AGFG2: variants seen among roughly 807,000 people sequenced by gnomAD.
AGFG2 encodes the protein arf-GAP domain and FG repeat-containing protein 2.
In AGFG2, 31 loss-of-function variants were observed where a neutral mutation model predicts 48.0. The observed-to-expected ratio is 0.65, with a 90% CI of 0.49 to 0.87. AGFG2 has a LOEUF of 0.87. Ranked by LOEUF, AGFG2 falls within the 40% of genes least tolerant of loss-of-function variation. The probability of loss-of-function intolerance (pLI) is 0.00; values close to 1 mark genes in which losing one functional copy is unlikely to be tolerated. For synonymous variants in AGFG2, 229 were observed against 260.8 expected (o/e 0.88, Z 1.18); for missense variants, 599 against 632.6 (o/e 0.95, Z 0.57).
chr7:100,553,973 G>A lies in AGFG2; in HGVS notation c.586-120G>A, dbSNP rs1167168547. The A allele has an allele frequency of 5.8e-6, 7 of 1,205,604 alleles. No homozygotes were observed. The African/African-American group carries it at 9.2e-5, about 16-fold the overall frequency. 74.7% of individuals were successfully genotyped at this position (1,205,604 alleles called of 1,614,324 possible). ...CCTGCCCAGGAATCTTCTAGGTTGA[G>A]GGCAGTTACTCACTGTCTTCTCTCT... On this transcript the variant is annotated intron_variant, in intron 4 of 11. Transcript: ENST00000300176.
At chr7:100,554,032 A>T (rs1377558184) in intron 4 of AGFG2, 61 bp from the exon 5 acceptor site, 5 of 1,550,886 alleles carry the variant, frequency 3.2e-6, no homozygotes, top group Non-Finnish European at 3.5e-6. Context: ...CTGGGGAGCC[A>T]GAGGAGGGCC....
In AGFG2 at chr7:100,566,739, G is replaced by C. The variant is rs1218832155; in HGVS notation, c.*1748G>C. 6.6e-6 allele frequency: 1 copy of C among 152,290 alleles called. No homozygotes were observed. Among genetic ancestry groups the C allele is most frequent in the Non-Finnish European group, 1.5e-5 (1 of 68,180 alleles). 9.4% of individuals were successfully genotyped at this position (152,290 alleles called of 1,614,324 possible). A position where few individuals can be genotyped will look rare whatever the true frequency, so the allele number is the denominator to read the frequency against. On this transcript the variant is annotated 3_prime_UTR_variant, in exon 12 of 12. Transcript: ENST00000300176. ...GCCTCTGCCCTCCTTCTGTCTCCTG[G>C]GTGGTCTCCCGCTTCGCTCCTGGCC...
In AGFG2 at chr7:100,539,436, C is replaced by T. The variant is rs779851093; in HGVS notation, c.90C>T (p.Cys30=). Residue 30 remains cysteine (C), a synonymous_variant, in exon 1 of 12, where the codon TGC becomes TGT. Coordinates refer to ENST00000300176, the MANE Select transcript of AGFG2 (RefSeq NM_006076.5). ...AEAEAASEVW[C]RRVRELGGCS... The stretch of plus-strand genomic sequence containing the variant: ...CGGAGGCGGCCTCGGAGGTGTGGTG[C>T]CGTCGGGTGCGGGAGCTGGGTGGCT... 4 of 1,325,058 alleles carry T rather than the reference C, an allele frequency of 3.0e-6. No individual in the cohort carries two copies. Among genetic ancestry groups the T allele is most frequent in the East Asian group, 6.2e-5 (2 of 32,394 alleles). 82.1% of individuals were successfully genotyped at this position (1,325,058 alleles called of 1,614,324 possible).
chr7:100,562,708 G>A lies in AGFG2; in HGVS notation c.1087+26G>A, dbSNP rs764528354. 6.2e-7 allele frequency: 1 copy of A among 1,600,252 alleles called. No individual in the cohort carries two copies. The highest frequency in any genetic ancestry group is 8.5e-7 in the Non-Finnish European group (1 of 1,175,484). ...GTGAGTCCTGCCTGTGGAGACCCAG[G>A]GGAGGGGACCTGAGGCCAGGAGGAG... On this transcript the variant is annotated intron_variant, in intron 8 of 11. Coordinates refer to ENST00000300176, the MANE Select transcript of AGFG2 (RefSeq NM_006076.5). The surrounding 1 kb of genome is among the most constrained non-coding windows in gnomAD (Gnocchi z 5.4).
In AGFG2 at chr7:100,565,230, A is replaced by T. The variant is rs1257258732; in HGVS notation, c.*239A>T. 2 of 588,270 alleles carry T rather than the reference A, an allele frequency of 3.4e-6. No homozygotes were observed. Among genetic ancestry groups the T allele is most frequent in the Non-Finnish European group, 6.1e-6 (2 of 330,152 alleles). The allele number at this position is 588,270 out of a possible 1,614,324, so 36.4% of individuals were successfully genotyped here. A position where few individuals can be genotyped will look rare whatever the true frequency, so the allele number is the denominator to read the frequency against. On this transcript the variant is annotated 3_prime_UTR_variant, in exon 12 of 12. Transcript: ENST00000300176. ...CCAGGAGGAGTGCGGGCAGGGCCTG[A>T]CCTGGAGGAGTGATGGTTGAGGGGG...
intron 5 of AGFG2, among the ~76,000 whole-genome samples, chr7:100,554,512 T>C (rs1021337201): frequency 1.3e-5 from 2 of 152,210 alleles, no homozygotes; most frequent in Non-Finnish European, 2.9e-5. Flanking sequence ...GCCTTTTTTA[T>C]TATTTTCTGT....
chr7:100,546,162 C>T (rs562109006), intron 1 of AGFG2, among the ~76,000 whole-genome samples: 8 of 148,766 alleles, frequency 5.4e-5, no homozygotes, highest in Admixed American at 1.4e-4. Flanking sequence ...CGTCTGCCGC[C>T]CCCCCCGCCC....
At chr7:100,543,780 T>C (rs1800465493) in intron 1 of AGFG2, among the ~76,000 whole-genome samples, 1 of 152,208 alleles carries the variant, frequency 6.6e-6, no homozygotes, top group African/African-American at 2.4e-5. Context: ...TGTGAGGGGT[T>C]GAGAGAAAGG....
Position 100,562,752 on chromosome 7 carries a change from G to A in AGFG2, c.1087+70G>A. On this transcript the variant is annotated intron_variant, in intron 8 of 11. Transcript: ENST00000300176. This position sits in a 1 kb window ranked among gnomAD's most constrained non-coding sequence, Gnocchi z 5.4. ...GGAGGAGTCTAAGGACTCTGGACAG[G>A]GTGGGAAGGGGAGAGATTGAGAGGA... is the stretch of plus-strand genomic sequence containing the variant. 6.3e-7 allele frequency: 1 copy of A among 1,591,044 alleles called. No homozygotes were observed. Among genetic ancestry groups the A allele is most frequent in the African/African-American group, 1.3e-5 (1 of 74,750 alleles).
chr7:100,560,005 G>T (rs1800832165), intron 6 of AGFG2, among the ~76,000 whole-genome samples: 2 of 152,122 alleles, frequency 1.3e-5, no homozygotes, highest in Non-Finnish European at 2.9e-5. Flanking sequence ...CTCCCAGCCT[G>T]GTCCTCACTG....
intron 6 of AGFG2, among the ~76,000 whole-genome samples, chr7:100,560,183 CTT>C (rs113365559): frequency 4.2e-5 from 6 of 141,198 alleles, no homozygotes; most frequent in Admixed American, 7.1e-5. Context: ...ATGCTGCTGG[CTT>C]TTTTTTTTTT....
chr7:100,563,035 C>G, intron 9 of AGFG2, 89 bp downstream of exon 9: 1 of 1,310,964 alleles, frequency 7.6e-7, no homozygotes, highest in Middle Eastern at 1.8e-4. Context: ...CCCTTTGTCT[C>G]ACGCTGTCAG....
In AGFG2 at chr7:100,539,497, G is replaced by T. The variant is rs1254472812; in HGVS notation, c.151G>T (p.Ala51Ser). The change falls in exon 1 of 12, where the codon GCC (alanine) becomes TCC (serine). Residue 51 changes from alanine to serine, a missense_variant. Coordinates refer to ENST00000300176, the MANE Select transcript of AGFG2 (RefSeq NM_006076.5). ...CGGGAACCGCCACTGCTTCGAGTGC[G>T]CCCAGCGCGGGGTCACCTACGTGGA... ...QAGNRHCFEC[A>S]QRGVTYVDIT... is the part of the protein sequence containing the mutation. 2.3e-6 allele frequency: 3 copies of T among 1,315,114 alleles called. No individual in the cohort carries two copies. Among genetic ancestry groups the T allele is most frequent in the South Asian group, 2.2e-5 (1 of 44,766 alleles). The allele number at this position is 1,315,114 out of a possible 1,614,324, so 81.5% of individuals were successfully genotyped here. A position where few individuals can be genotyped will look rare whatever the true frequency, so the allele number is the denominator to read the frequency against.
At chr7:100,556,744 C>T in intron 6 of AGFG2, 1 of 803,892 alleles carries the variant, frequency 1.2e-6, no homozygotes, top group Non-Finnish European at 1.8e-6. Context: ...AAGCAATTTC[C>T]CTAGTCATGC....
At chr7:100,556,622 C>G (rs1225401589) in intron 6 of AGFG2, 1 of 1,289,300 alleles carries the variant, frequency 7.8e-7, no homozygotes, top group African/African-American at 1.5e-5. Context: ...AAAGTTACAG[C>G]TTTGGTAAGT....
chr7:100,559,389 G>A (rs890246614), intron 6 of AGFG2, among the ~76,000 whole-genome samples: 2 of 152,100 alleles, frequency 1.3e-5, no homozygotes, highest in South Asian at 2.1e-4. Flanking sequence ...ATTTTGAGAG[G>A]TGGGTGTCTC....
At chr7:100,558,350 A>T (rs1251416066) in intron 6 of AGFG2, among the ~76,000 whole-genome samples, 1 of 152,146 alleles carries the variant, frequency 6.6e-6, no homozygotes, top group Admixed American at 6.5e-5. Context: ...GGGGAAAATG[A>T]CCTTCTTGTG....
intron 3 of AGFG2, among the ~76,000 whole-genome samples, chr7:100,551,761 C>G (rs1398505735): frequency 6.7e-6 from 1 of 149,840 alleles, no homozygotes; most frequent in Non-Finnish European, 1.5e-5. Context: ...GGGGTGGACA[C>G]TTGTAATCCC....
chr7:100,544,243 C>T (rs1800472611), intron 1 of AGFG2, among the ~76,000 whole-genome samples: 1 of 152,138 alleles, frequency 6.6e-6, no homozygotes, highest in African/African-American at 2.4e-5. Context: ...TTCAATCCAT[C>T]GTTCTTCAGG....
Sources: gnomAD v4.1 joint callset for allele counts (sites outside exome capture counted in the v4.1 genomes callset) on GRCh38, gnomAD v4.1.1 for gene constraint, Gnocchi (gnomAD v3.1) non-coding constraint, MANE v1.5 for transcripts, NCBI Gene and HGNC (gene_info 2026-07-23, HGNC 2026-07-21) for gene names.